OTOP3: variants seen among roughly 807,000 people sequenced by gnomAD.
The protein encoded by OTOP3 is proton channel OTOP3.
OTOP3 carries 41 observed loss-of-function variants against 50.8 expected under a neutral mutation model. That is an observed-to-expected ratio of 0.81 (90% CI 0.63 to 1.05). OTOP3 has a LOEUF of 1.05. OTOP3 is among the 50% of genes least tolerant of loss of function. The pLI is 0.00. For missense variants in OTOP3, 788 were observed against 760.8 expected, an observed-to-expected ratio of 1.04 and a Z score of -0.42; for synonymous variants, 320 against 324.4, an observed-to-expected ratio of 0.99 and a Z score of 0.14.
At chr17:74,949,174 C>T in intron 6 of OTOP3, 72 bp from the exon 7 acceptor site, 1 of 1,528,078 alleles carries the variant, frequency 6.5e-7, no homozygotes. Flanking sequence ...GGTTTGGGGG[C>T]TGCCTCCCCT....
chr17:74,940,999 G>C (rs934741820), intron 1 of OTOP3, among the ~76,000 whole-genome samples: 1 of 152,122 alleles, frequency 6.6e-6, no homozygotes, highest in African/African-American at 2.4e-5. Context: ...TGTCAGAAGT[G>C]AAAGTCCTAC....
At position 74,949,176 on chromosome 17, in the gene OTOP3, G is replaced by A. The variant is rs114281930; in HGVS notation, c.1567-70G>A. 4.2e-4 allele frequency: 651 copies of A among 1,538,008 alleles called. 4 individuals are homozygous for A. In the African/African-American group the frequency reaches 8.0e-3, roughly 19 times the overall value. ...TGGAGGGGCTGCAGGTTTGGGGGCT[G>A]CCTCCCCTGAACTGAGTGCCTTGGG... On this transcript the variant is annotated intron_variant, in intron 6 of 6. Coordinates refer to ENST00000328801, the MANE Select transcript of OTOP3 (RefSeq NM_001272005.2).
intron 1 of OTOP3, among the ~76,000 whole-genome samples, chr17:74,938,018 C>G (rs2039135538): frequency 6.6e-6 from 1 of 151,898 alleles, no homozygotes; most frequent in Non-Finnish European, 1.5e-5. Context: ...CTACCTGGGC[C>G]TGGGTTGGTG....
chr17:74,949,681 G>T lies in OTOP3; in HGVS notation c.*265G>T. On this transcript the variant is annotated 3_prime_UTR_variant, in exon 7 of 7. Coordinates refer to ENST00000328801, the MANE Select transcript of OTOP3 (RefSeq NM_001272005.2). The stretch of plus-strand genomic sequence containing the variant: ...CTTCCCACCACGATCCGCAAGCCAA[G>T]GGTGCACCCCAGGAGGCTGGCAGGG... 2 of 470,044 alleles carry T rather than the reference G, an allele frequency of 4.3e-6. No homozygotes were observed. Among genetic ancestry groups the T allele is most frequent in the South Asian group, 6.4e-5 (2 of 31,446 alleles). The allele number at this position is 470,044 out of a possible 1,614,324, so 29.1% of individuals were successfully genotyped here.
At chr17:74,938,907 C>A (rs577521784) in intron 1 of OTOP3, among the ~76,000 whole-genome samples, 1 of 152,144 alleles carries the variant, frequency 6.6e-6, no homozygotes, top group Non-Finnish European at 1.5e-5. Flanking sequence ...GTGGCTTACA[C>A]CTGTAATCCC....
At chr17:74,949,165 G>T (rs1168450982) in intron 6 of OTOP3, 81 bp from the exon 7 acceptor site, 4 of 1,490,066 alleles carry the variant, frequency 2.7e-6, no homozygotes, top group East Asian at 2.3e-5. Flanking sequence ...GGGGCTGCAG[G>T]TTTGGGGGCT....
At chr17:74,946,631 T>C in intron 5 of OTOP3, 30 bp from the exon 6 acceptor site, 1 of 1,566,710 alleles carries the variant, frequency 6.4e-7, no homozygotes, top group East Asian at 2.3e-5. Context: ...TGCCTGAATG[T>C]CTGTCCCTCC....
At chr17:74,947,828 T>C (rs986670930) in intron 6 of OTOP3, among the ~76,000 whole-genome samples, 3 of 152,240 alleles carry the variant, frequency 2.0e-5, no homozygotes, top group African/African-American at 4.8e-5. Flanking sequence ...GCTGCCCAGC[T>C]TCTGGCGGAA....
At position 74,947,292 on chromosome 17, in the gene OTOP3, G is replaced by A. The variant is rs1287171998; in HGVS notation, c.1383G>A (p.Glu461=). The A allele has an allele frequency of 1.9e-6, 3 of 1,613,378 alleles. No homozygotes were observed. Among genetic ancestry groups the A allele is most frequent in the Admixed American group, 1.7e-5 (1 of 59,988 alleles). Residue 461 remains glutamate (E), a synonymous_variant, in exon 6 of 7, where the codon GAG becomes GAA. Coordinates refer to ENST00000328801, the MANE Select transcript of OTOP3 (RefSeq NM_001272005.2). ...GCCTGCACCGGCGCCCACTCTGGGA[G>A]ACAGTTCCCGAGGGCCTGGCAGGAA... The part of the protein sequence containing the change: ...IEGLHRRPLW[E]TVPEGLAGKQ...
In OTOP3 at chr17:74,949,472, A is replaced by G. The variant is rs2039262573; in HGVS notation, c.*56A>G. 1.3e-6 allele frequency: 2 copies of G among 1,583,898 alleles called. No homozygotes were observed. Among genetic ancestry groups the G allele is most frequent in the South Asian group, 1.1e-5 (1 of 88,434 alleles). On this transcript the variant is annotated 3_prime_UTR_variant, in exon 7 of 7. Transcript: ENST00000328801. Reference sequence around the variant, plus strand: ...GCCAAGGTGGGGAAGATGGTAGCCCAGAGTCTCTGAGCAGATGCCTCATTC... The same window carrying G: ...GCCAAGGTGGGGAAGATGGTAGCCCGGAGTCTCTGAGCAGATGCCTCATTC...
chr17:74,936,135 G>A (rs2144774989), intron 1 of OTOP3, among the ~76,000 whole-genome samples, 195 bp downstream of exon 1: 3 of 152,310 alleles, frequency 2.0e-5, no homozygotes, highest in Admixed American at 2.0e-4. Context: ...CCCGCGCTCC[G>A]CGCCCCTACT....
chr17:74,945,838 A>T (rs2039220122), intron 5 of OTOP3, among the ~76,000 whole-genome samples: 1 of 152,096 alleles, frequency 6.6e-6, no homozygotes, highest in Non-Finnish European at 1.5e-5. Context: ...CCAAAGTGGA[A>T]TACAGTCATG....
chr17:74,947,726 C>A (rs2039243755), intron 6 of OTOP3, among the ~76,000 whole-genome samples: 1 of 152,158 alleles, frequency 6.6e-6, no homozygotes, highest in Non-Finnish European at 1.5e-5. Context: ...GGGAAGACAC[C>A]ACTGAATTCA....
intron 1 of OTOP3, among the ~76,000 whole-genome samples, chr17:74,936,592 G>C (rs940258963): frequency 6.6e-6 from 1 of 152,160 alleles, no homozygotes; most frequent in African/African-American, 2.4e-5. Context: ...CCCCTGCCCA[G>C]CCCGGGACCA....
At position 74,946,840 on chromosome 17, in the gene OTOP3, A is replaced by T; in HGVS notation, c.931A>T (p.Thr311Ser). 1 of 1,610,842 alleles carries T rather than the reference A, an allele frequency of 6.2e-7. No individual in the cohort carries two copies. The part of the protein sequence containing the change: ...VAPHMGAHPA[T>S]APFHLHGAIF... ...ACCCCACATGGGTGCCCACCCTGCC[A>T]CCGCACCCTTCCACCTGCACGGGGC... Residue 311 changes from threonine to serine, a missense_variant, in exon 6 of 7, where the codon ACC (threonine) becomes TCC (serine). Thr to Ser is a moderately conservative substitution (Grantham distance 58). Coordinates refer to ENST00000328801, the MANE Select transcript of OTOP3 (RefSeq NM_001272005.2).
At position 74,949,376 on chromosome 17, in the gene OTOP3, A is replaced by T. The variant is rs1225302966; in HGVS notation, c.1697A>T (p.His566Leu). The T allele has an allele frequency of 6.2e-7, 1 of 1,613,364 alleles. No individual in the cohort carries two copies. Among genetic ancestry groups the T allele is most frequent in the African/African-American group, 1.3e-5 (1 of 74,824 alleles). Residue 566 changes from histidine to leucine, a missense_variant, in exon 7 of 7, where the codon CAC (histidine) becomes CTC (leucine). Coordinates refer to ENST00000328801, the MANE Select transcript of OTOP3 (RefSeq NM_001272005.2). ...GLPLGVFYRM[H>L]SVGGLVEVYL... ...CCTCTGGGGGTCTTCTACCGCATGC[A>T]CTCTGTGGGAGGCCTGGTGGAGGTC...
At chr17:74,947,532 G>A (rs140524938) in intron 6 of OTOP3, 57 bp downstream of exon 6, 3 of 1,453,878 alleles carry the variant, frequency 2.1e-6, no homozygotes, top group African/African-American at 2.8e-5. Context: ...GACCCAGAAA[G>A]CCTCACTCAG....
chr17:74,945,051 G>T (rs573972906), intron 5 of OTOP3, among the ~76,000 whole-genome samples: 2 of 151,820 alleles, frequency 1.3e-5, no homozygotes, highest in Non-Finnish European at 2.9e-5. Flanking sequence ...GGGCTCAAGC[G>T]ATCCTCCCAC....
rs973563614 is a variant in OTOP3, at chr17:74,947,136, G to T, written c.1227G>T (p.Met409Ile). The T allele has an allele frequency of 3.1e-6, 5 of 1,614,104 alleles. No individual in the cohort carries two copies. The highest frequency in any genetic ancestry group is 3.4e-6 in the Non-Finnish European group (4 of 1,180,040). ...VLLMGAALGQ[M>I]GIAYFSIVAI... Reference sequence around the variant, plus strand: ...TAATGGGTGCTGCACTGGGCCAGATGGGCATCGCCTATTTCTCCATCGTGG... The same window carrying T: ...TAATGGGTGCTGCACTGGGCCAGATTGGCATCGCCTATTTCTCCATCGTGG... Residue 409 changes from methionine (M) to isoleucine (I), a missense_variant, in exon 6 of 7, where the codon ATG (methionine) becomes ATT (isoleucine). Coordinates refer to ENST00000328801, the MANE Select transcript of OTOP3 (RefSeq NM_001272005.2).
Sources: allele counts gnomAD v4.1 joint callset (sites outside exome capture counted in the v4.1 genomes callset), GRCh38; gene constraint gnomAD v4.1.1; transcripts MANE v1.5; gene names NCBI Gene and HGNC (gene_info 2026-07-23, HGNC 2026-07-21).